Variants in CD300LG observed in about 807,000 individuals in gnomAD.
CD300LG encodes the protein CMRF35-like molecule 9.
A neutral mutation model predicts 31.5 loss-of-function variants in CD300LG; 29 were observed. The ratio of observed to expected loss-of-function variants is 0.92; its 90% CI spans 0.68 to 1.25. The LOEUF (loss-of-function observed/expected upper bound fraction) is 1.25. CD300LG is among the 50% of genes most tolerant of loss of function. The pLI, the probability that CD300LG is intolerant of heterozygous loss-of-function variation, is 0.00. For synonymous variants in CD300LG, 175 were observed against 177.2 expected (o/e 0.99, Z 0.10); for missense variants, 396 against 417.6 (o/e 0.95, Z 0.45).
rs550963327 is a variant in CD300LG at position 43,857,152 on chromosome 17, G to A, written c.881G>A (p.Arg294His). 7.4e-6 allele frequency: 12 copies of A among 1,613,942 alleles called. No individual in the cohort carries two copies. The Admixed American group carries it at 8.3e-5, about 11-fold the overall frequency. ...TQRNEKFCLSRLTAEEKEAPS... is the reference protein window; with the variant it reads ...TQRNEKFCLSHLTAEEKEAPS... ...AGGAACGAGAAGTTCTGCCTCTCAC[G>A]CTTGGTAAGGACAGAGGCATATGGA... Residue 294 changes from arginine (R) to histidine (H), a missense_variant, in exon 6 of 7, where the codon CGC (arginine) becomes CAC (histidine). Coordinates refer to ENST00000317310, the MANE Select transcript of CD300LG (RefSeq NM_145273.4).
intron 4 of CD300LG, 55 bp downstream of exon 4, chr17:43,854,099 C>CCTT: frequency 5.1e-6 from 7 of 1,368,410 alleles, no homozygotes; most frequent in Non-Finnish European, 7.2e-6. Flanking sequence ...CCATAAGGTG[C>CCTT]CTTTGAGAAA....
In CD300LG at chr17:43,858,448, C is replaced by T. The variant is rs1717557917; in HGVS notation, c.885+1292C>T. The T allele has an allele frequency of 5.1e-6, 5 of 985,474 alleles. No homozygotes were observed. In the South Asian group the frequency reaches 2.3e-4, roughly 46 times the overall value. 61.0% of individuals were successfully genotyped at this position (985,474 alleles called of 1,614,324 possible). ...GGAACCAGCCACAGCTCCCATGCTACTGCCTTCTGGCAACCCTGAGAAGGG... is the reference window on the plus strand; with the variant it reads ...GGAACCAGCCACAGCTCCCATGCTATTGCCTTCTGGCAACCCTGAGAAGGG... On this transcript the variant is annotated intron_variant, in intron 6 of 6. Coordinates refer to ENST00000317310, the MANE Select transcript of CD300LG (RefSeq NM_145273.4).
At chr17:43,853,526 G>T (rs367889651) in intron 3 of CD300LG, among the ~76,000 whole-genome samples, 1 of 152,142 alleles carries the variant, frequency 6.6e-6, no homozygotes. Flanking sequence ...TCATGGAAGC[G>T]GGGAAGGGGA....
intron 1 of CD300LG, 97 bp downstream of exon 1, chr17:43,847,356 A>G: frequency 7.8e-7 from 1 of 1,287,154 alleles, no homozygotes. Context: ...CACCCCACCT[A>G]TCCTCAGCCT....
intron 6 of CD300LG, chr17:43,858,680 A>G: frequency 1.0e-6 from 1 of 985,164 alleles, no homozygotes; most frequent in Non-Finnish European, 1.2e-6. Context: ...TTTCTTGATT[A>G]TTTCCCTTGT....
intron 4 of CD300LG, among the ~76,000 whole-genome samples, chr17:43,854,603 G>A (rs2046458652): frequency 6.6e-6 from 1 of 152,096 alleles, no homozygotes; most frequent in Non-Finnish European, 1.5e-5. Flanking sequence ...TGATCTCCTT[G>A]GGAGAGAGAA....
intron 5 of CD300LG, 89 bp from the exon 6 acceptor site, chr17:43,857,015 G>C (rs2046541349): frequency 7.4e-7 from 1 of 1,348,740 alleles, no homozygotes; most frequent in African/African-American, 1.4e-5. Context: ...CCGTGTGCAA[G>C]GGGGCCAGTC....
chr17:43,855,018 A>G (rs915541750), intron 4 of CD300LG, among the ~76,000 whole-genome samples, 189 bp from the exon 5 acceptor site: 1 of 151,930 alleles, frequency 6.6e-6, no homozygotes, highest in African/African-American at 2.4e-5. Context: ...CTAATTACAT[A>G]ATGTTTGTCA....
At chr17:43,847,620 C>T (rs1221822747) in intron 1 of CD300LG, among the ~76,000 whole-genome samples, 1 of 152,202 alleles carries the variant, frequency 6.6e-6, no homozygotes, top group East Asian at 1.9e-4. Context: ...TGAATTTCGG[C>T]TATGCCTCTC....
chr17:43,857,032 T>C (rs2143392106), intron 5 of CD300LG, 72 bp from the exon 6 acceptor site: 2 of 1,508,482 alleles, frequency 1.3e-6, no homozygotes, highest in South Asian at 1.1e-5. Context: ...AGTCCACCTT[T>C]CTGGGAGCAG....
At chr17:43,853,072 G>C in intron 3 of CD300LG, 59 bp downstream of exon 3, 2 of 1,414,354 alleles carry the variant, frequency 1.4e-6, no homozygotes, top group Non-Finnish European at 2.0e-6. Context: ...AGCAGCCAGT[G>C]AGTGCCTGCC....
chr17:43,860,580 C>T (rs1036692569), intron 6 of CD300LG, among the ~76,000 whole-genome samples: 4 of 152,214 alleles, frequency 2.6e-5, no homozygotes, highest in Non-Finnish European at 5.9e-5. Flanking sequence ...AGGCCCGGGT[C>T]AGAATATGGG....
chr17:43,847,267 G>A lies in CD300LG; in HGVS notation c.43+8G>A, dbSNP rs773574036. 8.1e-6 allele frequency: 13 copies of A among 1,613,760 alleles called. No individual in the cohort carries two copies. The South Asian group carries it at 1.3e-4, about 16-fold the overall frequency. ...GTTGCCTGCTGCTCCCAGGTGAGAT[G>A]GGGAGAGGGTCTCGGGAGGGATGTG... On this transcript the variant is annotated splice_region_variant and intron_variant, in intron 1 of 6. Coordinates refer to ENST00000317310, the MANE Select transcript of CD300LG (RefSeq NM_145273.4).
chr17:43,849,125 G>T (rs1185606031), intron 2 of CD300LG: 4 of 597,224 alleles, frequency 6.7e-6, no homozygotes, highest in Non-Finnish European at 1.2e-5. Flanking sequence ...GAGCAGGACC[G>T]GACCCAGATC....
intron 6 of CD300LG, chr17:43,857,364 C>T (rs2143395187): frequency 6.5e-7 from 1 of 1,528,810 alleles, no homozygotes; most frequent in Non-Finnish European, 8.8e-7. Flanking sequence ...GGGGGACTCA[C>T]AGGTGGGAAC....
Position 43,857,149 on chromosome 17 carries a change from C to G in CD300LG, c.878C>G (p.Ser293Ter). ...ETQRNEKFCLSRLTAEEKEAP... is the reference protein window; with the variant it reads ...ETQRNEKFCL ...CAGAGGAACGAGAAGTTCTGCCTCT[C>G]ACGCTTGGTAAGGACAGAGGCATAT... Residue 293 changes from serine to a stop codon, truncating the protein, a stop_gained, in exon 6 of 7, where the codon TCA becomes TGA. Coordinates refer to ENST00000317310, the MANE Select transcript of CD300LG (RefSeq NM_145273.4). LOFTEE classifies it low-confidence loss of function (END_TRUNC). The G allele has an allele frequency of 6.2e-7, 1 of 1,614,118 alleles. No homozygotes were observed. Among genetic ancestry groups the G allele is most frequent in the Non-Finnish European group, 8.5e-7 (1 of 1,179,992 alleles).
chr17:43,849,004 G>A (rs770577840), intron 2 of CD300LG, 111 bp downstream of exon 2: 1 of 965,222 alleles, frequency 1.0e-6, no homozygotes. Flanking sequence ...AGTCCTCAGG[G>A]AGATCATGCA....
chr17:43,852,537 C>G (rs182612058), intron 2 of CD300LG, among the ~76,000 whole-genome samples: 22 of 152,122 alleles, frequency 1.4e-4, no homozygotes, highest in Non-Finnish European at 2.8e-4. Context: ...TAAGAGGCCT[C>G]GAAAGGCATA....
intron 6 of CD300LG, chr17:43,858,176 G>T: frequency 1.7e-6 from 2 of 1,187,102 alleles, no homozygotes; most frequent in South Asian, 4.5e-5. Flanking sequence ...CCCCAAGGAG[G>T]GTCTGGGGTG....
Sources: allele counts gnomAD v4.1 joint callset (sites outside exome capture counted in the v4.1 genomes callset), GRCh38; gene constraint gnomAD v4.1.1; transcripts MANE v1.5; gene names NCBI Gene and HGNC (gene_info 2026-07-23, HGNC 2026-07-21).